The following NCOR2 variants were observed in gnomAD, a reference collection of about 807,000 sequenced individuals.
NCOR2 encodes the protein nuclear receptor corepressor 2, also known as CTG repeat protein 26.
A neutral mutation model predicts 262.9 loss-of-function variants in NCOR2; 81 were observed. That is an observed-to-expected ratio of 0.31 (90% CI 0.26 to 0.37). NCOR2 has a LOEUF of 0.37. Ranked by LOEUF, NCOR2 falls within the 10% of genes least tolerant of loss-of-function variation. NCOR2 has a pLI of 1.00. For synonymous variants in NCOR2, 1,659 were observed against 1,559.3 expected (o/e 1.06, Z -1.51); for missense variants, 3,385 against 3,621.4 (o/e 0.93, Z 1.68).
chr12:124,493,169 C>T (rs2048187052), intron 1 of NCOR2, among the ~76,000 whole-genome samples: 2 of 152,204 alleles, frequency 1.3e-5, no homozygotes, highest in South Asian at 4.1e-4. Flanking sequence ...ACCCCGAGGG[C>T]CCAGTTGGGG....
intron 28 of NCOR2, 125 bp downstream of exon 30, chr12:124,350,459 AAGG>A: frequency 1.6e-6 from 2 of 1,235,340 alleles, no homozygotes; most frequent in Non-Finnish European, 2.3e-6. Context: ...CTGCAGGGAT[AAGG>A]AGGTCACCAC....
rs1282716507 is a variant in NCOR2 at position 124,483,666 on chromosome 12, G to T, written c.341C>A (p.Pro114His). 2 of 1,611,700 alleles carry T rather than the reference G, an allele frequency of 1.2e-6. No homozygotes were observed. Among genetic ancestry groups the T allele is most frequent in the Admixed American group, 3.4e-5 (2 of 59,672 alleles). Residue 114 changes from proline to histidine, a missense_variant, in exon 3 of 47, where the codon CCT (proline) becomes CAT (histidine). Pro to His is a moderately conservative substitution (Grantham distance 77). Coordinates refer to ENST00000405201, the Ensembl canonical transcript of NCOR2. The surrounding 1 kb of genome is among the most constrained non-coding windows in gnomAD (Gnocchi z 6.3). ...GGGTGACGGTCGCAGCAGGGGGTCA[G>T]GCAGCAGCTCTAGCCGAGGGCGCTT...
chr12:124,464,230 G>C (rs1309226602), intron 5 of NCOR2, among the ~76,000 whole-genome samples: 1 of 152,134 alleles, frequency 6.6e-6, no homozygotes, highest in Non-Finnish European at 1.5e-5. Flanking sequence ...AGCAAAGAGG[G>C]AAGTGACAGT....
Position 124,371,910 on chromosome 12 carries a change from G to C in NCOR2, c.2807+112C>G, listed in dbSNP as rs1179197652. On this transcript the variant is annotated intron_variant, in intron 20 of 46. Transcript: ENST00000405201. ...AAGTCTGCCTCCCTAACCACACCTC[G>C]GGCTCCCCCAAAGCAGGCAGAGCCA... 4.2e-5 allele frequency: 46 copies of C among 1,098,628 alleles called. No individual in the cohort carries two copies. In the South Asian group the frequency reaches 7.5e-4, roughly 18 times the overall value. The allele number at this position is 1,098,628 out of a possible 1,614,324, so 68.1% of individuals were successfully genotyped here. A position where few individuals can be genotyped will look rare whatever the true frequency, so the allele number is the denominator to read the frequency against.
chr12:124,487,570 C>A lies in NCOR2; in HGVS notation c.106-1002G>T, dbSNP rs116267541. Among the ~76,000 whole-genome samples, 957 of 152,346 alleles carry A rather than the reference C, an allele frequency of 6.3e-3. 9 individuals carry two copies. Among genetic ancestry groups the A allele is most frequent in the African/African-American group, 0.022 (908 of 41,586 alleles). On this transcript the variant is annotated intron_variant, in intron 1 of 46. Transcript: ENST00000405201. ...TAAGTCAGTCTAGAGGAACCCCCCA[C>A]CCTCAAGCGCTCCTCTTAGTAATTT...
intron 1 of NCOR2, among the ~76,000 whole-genome samples, chr12:124,505,527 AGCCACCT>A (rs1272473369): frequency 1.3e-5 from 2 of 152,188 alleles, no homozygotes; most frequent in East Asian, 3.8e-4. Context: ...CTCTCAACCA[AGCCACCT>A]CCTGTGGACA....
At chr12:124,448,508 G>A (rs1020678698) in intron 7 of NCOR2, among the ~76,000 whole-genome samples, 10 of 152,344 alleles carry the variant, frequency 6.6e-5, no homozygotes, top group African/African-American at 2.4e-4. Context: ...ACACTCTGCA[G>A]CCCCTGCTGG....
At chr12:124,486,410 C>A in intron 2 of NCOR2, 31 bp downstream of exon 4, 1 of 1,610,578 alleles carries the variant, frequency 6.2e-7, no homozygotes, top group Non-Finnish European at 8.5e-7. Flanking sequence ...CTCTCACGCC[C>A]TGGACAGGGA....
At position 124,432,976 on chromosome 12, in the gene NCOR2, A is replaced by C. The variant is rs1433223266; in HGVS notation, c.883-2189T>G. 6.6e-6 allele frequency among the ~76,000 whole-genome samples: 1 copy of C among 152,088 alleles called. No homozygotes were observed. The highest frequency in any genetic ancestry group is 1.5e-5 in the Non-Finnish European group (1 of 68,000). On this transcript the variant is annotated intron_variant, in intron 8 of 46. Transcript: ENST00000405201. This position sits in a 1 kb window ranked among gnomAD's most constrained non-coding sequence, Gnocchi z 5.1. ...GACGGTGTGATCTGGGAGCCTCCAC[A>C]AACACCCACTTGGTGCTTCGGTACA...
At chr12:124,371,874 G>T in intron 20 of NCOR2, 148 bp downstream of exon 22, 1 of 785,570 alleles carries the variant, frequency 1.3e-6, no homozygotes, top group Non-Finnish European at 1.9e-6. Context: ...CTCATTCCTG[G>T]ACTCTACTCC....
At chr12:124,331,124 G>A (rs2035153964) in intron 43 of NCOR2, among the ~76,000 whole-genome samples, 1 of 150,326 alleles carries the variant, frequency 6.7e-6, no homozygotes, top group Non-Finnish European at 1.5e-5. Context: ...GTGCAGTTGT[G>A]CAATCTCGGC....
chr12:124,427,852 G>A (rs2043645680), intron 10 of NCOR2, among the ~76,000 whole-genome samples: 1 of 152,146 alleles, frequency 6.6e-6, no homozygotes, highest in South Asian at 2.1e-4. Context: ...TCTGACCACA[G>A]GAAGCTCCCA....
chr12:124,516,068 G>A (rs556127351), intron 1 of NCOR2, among the ~76,000 whole-genome samples: 1 of 152,318 alleles, frequency 6.6e-6, no homozygotes, highest in East Asian at 1.9e-4. Context: ...GAACCCCCCC[G>A]CCTTCGGAGG....
chr12:124,449,367 C>T (rs2045382207), intron 7 of NCOR2, among the ~76,000 whole-genome samples: 1 of 152,236 alleles, frequency 6.6e-6, no homozygotes, highest in Admixed American at 6.5e-5. Flanking sequence ...AGGGACCTCT[C>T]TGTGCAGACA....
rs1451948657 is a variant in NCOR2 at position 124,503,637 on chromosome 12, CGAATGGATGGATGGAT to C, written c.-117-8285_-117-8270del. Among the ~76,000 whole-genome samples the C allele has an allele frequency of 9.6e-6, 1 of 104,680 alleles. No homozygotes were observed. Among genetic ancestry groups the C allele is most frequent in the East Asian group, 2.7e-4 (1 of 3,654 alleles). 68.7% of individuals were successfully genotyped at this position (104,680 alleles called of 152,430 possible). On this transcript the variant is annotated intron_variant, in intron 1 of 46. Coordinates refer to the NCOR2 transcript ENST00000404621. This position sits in a 1 kb window ranked among gnomAD's most constrained non-coding sequence, Gnocchi z 4.3. ...ACGGATGGATGGATGGATGGATGGG[CGAATGGATGGATGGAT>C]GGATGGATGGACGGGTGAATGGATG...
rs912245063 is a variant in NCOR2, at chr12:124,549,967, CT to C, written c.-164-14357del. Among the ~76,000 whole-genome samples the C allele has an allele frequency of 2.4e-4, 36 of 152,340 alleles. No homozygotes were observed. Among genetic ancestry groups the C allele is most frequent in the African/African-American group, 8.4e-4 (35 of 41,566 alleles). ...TCCGAGGAAAACTCCTTCGCAGGAC[CT>C]TTCTCCCCTCCTGAGGTCCCTCTCT... is the stretch of plus-strand genomic sequence containing the variant. On this transcript the variant is annotated intron_variant, in intron 1 of 32. Coordinates refer to the NCOR2 transcript ENST00000458234. The surrounding 1 kb of genome is among the most constrained non-coding windows in gnomAD (Gnocchi z 4.4).
rs777926358 is a variant in NCOR2, at chr12:124,378,346, C to G, written c.2058G>C (p.Ala686=). The change falls in exon 18 of 47, where the codon GCG becomes GCC. Residue 686 remains alanine, a synonymous_variant. Transcript: ENST00000405201. The surrounding 1 kb of genome is among the most constrained non-coding windows in gnomAD (Gnocchi z 4.2). ...CAGCCTCCTCGCTGGCCGCCGCCGG[C>G]GCTTTCTTCTTCTTCCTCCGCGCGT... is the stretch of plus-strand genomic sequence containing the variant. 2 of 1,613,786 alleles carry G rather than the reference C, an allele frequency of 1.2e-6. No homozygotes were observed. The highest frequency in any genetic ancestry group is 2.2e-5 in the South Asian group (2 of 91,064).
intron 40 of NCOR2, 31 bp downstream of exon 42, chr12:124,335,104 T>C: frequency 6.2e-7 from 1 of 1,612,122 alleles, no homozygotes; most frequent in Non-Finnish European, 8.5e-7. Context: ...GGTGCAAAGG[T>C]GACAAGCAGC....
chr12:124,373,707 AT>A lies in NCOR2; in HGVS notation c.2218+705del, dbSNP rs1326899080. Among the ~76,000 whole-genome samples, 671 of 71,914 alleles carry A rather than the reference AT, an allele frequency of 9.3e-3. 11 individuals are homozygous for A. Among genetic ancestry groups the A allele is most frequent in the Non-Finnish European group, 0.014 (475 of 33,628 alleles). 47.2% of individuals were successfully genotyped at this position (71,914 alleles called of 152,430 possible). A position where few individuals can be genotyped will look rare whatever the true frequency, so the allele number is the denominator to read the frequency against. On this transcript the variant is annotated intron_variant, in intron 19 of 46. Coordinates refer to ENST00000405201, the Ensembl canonical transcript of NCOR2. ...GCAGGGGCCCCGGGCACAGTGGACA[AT>A]CATGAGGCCAGTGCGTGCGCAGGGG...
Sources: allele counts gnomAD v4.1 joint callset (sites outside exome capture counted in the v4.1 genomes callset), GRCh38; gene constraint gnomAD v4.1.1; non-coding constraint Gnocchi (gnomAD v3.1); transcripts MANE v1.5; gene names NCBI Gene and HGNC (gene_info 2026-07-23, HGNC 2026-07-21).